Variants in TBC1D2 observed in about 807,000 individuals in gnomAD.
TBC1D2 encodes TBC1 domain family member 2.
A neutral mutation model predicts 91.1 loss-of-function variants in TBC1D2; 58 were observed. That is an observed-to-expected ratio of 0.64 (90% CI 0.52 to 0.79). The LOEUF is 0.79. Among genes scored for constraint, TBC1D2 ranks in the 30% least tolerant of loss-of-function variants. The pLI is 0.00. For synonymous variants in TBC1D2, 482 were observed against 511.5 expected, an observed-to-expected ratio of 0.94 and a Z score of 0.78; for missense variants, 1,080 against 1,208.3, an observed-to-expected ratio of 0.89 and a Z score of 1.57.
intron 3 of TBC1D2, among the ~76,000 whole-genome samples, chr9:98,238,332 T>C (rs971592675): frequency 7.3e-6 from 1 of 137,338 alleles, no homozygotes; most frequent in Non-Finnish European, 1.5e-5. Flanking sequence ...CATTCCTAAA[T>C]ATTTAATTCT....
intron 1 of TBC1D2, 27 bp from the exon 2 acceptor site, chr9:98,251,953 A>G (rs1162556598): frequency 6.3e-7 from 1 of 1,587,310 alleles, no homozygotes; most frequent in Middle Eastern, 1.7e-4. Context: ...TTAGTTGGCA[A>G]GGCCCTGTGC....
intron 3 of TBC1D2, among the ~76,000 whole-genome samples, chr9:98,240,294 G>A (rs1266602349): frequency 6.6e-6 from 1 of 152,068 alleles, no homozygotes; most frequent in East Asian, 1.9e-4. Context: ...TGAATTAAGA[G>A]CAGAGAAGAA....
chr9:98,250,295 G>A (rs1204525016), intron 2 of TBC1D2, among the ~76,000 whole-genome samples: 2 of 150,508 alleles, frequency 1.3e-5, no homozygotes, highest in Non-Finnish European at 2.9e-5. Context: ...GAGTGCAGGA[G>A]TGAGGTGGTG....
chr9:98,220,871 C>A lies in TBC1D2; in HGVS notation c.1336G>T (p.Asp446Tyr). 1 of 1,614,164 alleles carries A rather than the reference C, an allele frequency of 6.2e-7. No individual in the cohort carries two copies. Among genetic ancestry groups the A allele is most frequent in the Non-Finnish European group, 8.5e-7 (1 of 1,180,016 alleles). The change falls in exon 6 of 13, where the codon GAC becomes TAC. Residue 446 changes from aspartate (D) to tyrosine (Y), a missense_variant. Coordinates refer to ENST00000465784, the MANE Select transcript of TBC1D2 (RefSeq NM_001267571.2). Reference protein sequence around the residue: ...SPLRPDAANRDFLSQQGKIEH... With the variant: ...SPLRPDAANRYFLSQQGKIEH... ...ATCTTCCCCTGCTGGCTCAGGAAGT[C>A]CCTGTTGGCAGCGTCGGGGCGCAAA...
intron 1 of TBC1D2, 139 bp downstream of exon 1, chr9:98,255,034 T>C: frequency 7.0e-7 from 1 of 1,420,776 alleles, no homozygotes; most frequent in Non-Finnish European, 9.4e-7. Flanking sequence ...GAATGCACTT[T>C]GCAAAGCACA....
At chr9:98,200,399 T>A in intron 11 of TBC1D2, 25 bp from the exon 12 acceptor site, 1 of 1,271,822 alleles carries the variant, frequency 7.9e-7, no homozygotes, top group Non-Finnish European at 1.0e-6. Context: ...GGGGCTCAGG[T>A]AGGGCATGGG....
rs777691393 is a variant in TBC1D2 at position 98,203,372 on chromosome 9, C to T, written c.2187G>A (p.Glu729=). The T allele has an allele frequency of 8.1e-6, 13 of 1,614,214 alleles. No individual in the cohort carries two copies. In the South Asian group the frequency reaches 1.4e-4, roughly 18 times the overall value. Residue 729 remains glutamate, a synonymous_variant, in exon 10 of 13, where the codon GAG becomes GAA. Transcript: ENST00000465784. ...CCACCAGGCACCAGAAGGCGCTCTCCTCCTCCTCTAGGACCAGCAGGGCAA... is the reference window on the plus strand; with the variant it reads ...CCACCAGGCACCAGAAGGCGCTCTCTTCCTCCTCTAGGACCAGCAGGGCAA... ...AAIALLVLEE[E]ESAFWCLVAI...
intron 6 of TBC1D2, among the ~76,000 whole-genome samples, chr9:98,215,797 TGCCTGGCCAG>T (rs1006170008): frequency 2.0e-5 from 3 of 152,202 alleles, no homozygotes; most frequent in African/African-American, 7.2e-5. Flanking sequence ...TGAGCCACTG[TGCCTGGCCAG>T]GACTGTCTCA....
intron 9 of TBC1D2, among the ~76,000 whole-genome samples, chr9:98,205,229 A>G (rs1485309506): frequency 2.6e-5 from 4 of 152,208 alleles, no homozygotes; most frequent in African/African-American, 9.6e-5. Flanking sequence ...GAATGGCCTC[A>G]GTCTAGGGAG....
chr9:98,251,114 A>G (rs1829865012), intron 2 of TBC1D2, among the ~76,000 whole-genome samples: 1 of 152,042 alleles, frequency 6.6e-6, no homozygotes, highest in Non-Finnish European at 1.5e-5. Context: ...GTGAAACCCC[A>G]TCTCTACTAA....
At chr9:98,230,760 C>T (rs1236024327) in intron 4 of TBC1D2, among the ~76,000 whole-genome samples, 2 of 152,070 alleles carry the variant, frequency 1.3e-5, no homozygotes, top group African/African-American at 2.4e-5. Flanking sequence ...GGTGAAACCC[C>T]GTTTCTACTA....
At position 98,199,387 on chromosome 9, in the gene TBC1D2, T is replaced by C. The variant is rs371139623; in HGVS notation, c.2781A>G (p.Glu927=). 3.0e-5 allele frequency: 49 copies of C among 1,612,874 alleles called. No individual in the cohort carries two copies. In the African/African-American group the frequency reaches 5.3e-4, roughly 18 times the overall value. ...GGGAGGGGAGGTGGCCAAGTCAGGC[T>C]TCCCCCTCCACCTCGTCCTCGCTGG... ...GCASEDEVEG[E]A The change falls in exon 13 of 13, where the codon GAA becomes GAG. Residue 927 remains glutamate, a synonymous_variant. Coordinates refer to ENST00000465784, the MANE Select transcript of TBC1D2 (RefSeq NM_001267571.2).
chr9:98,208,728 C>T lies in TBC1D2; in HGVS notation c.2090G>A (p.Arg697Gln), dbSNP rs144101514. 393 of 1,557,570 alleles carry T rather than the reference C, an allele frequency of 2.5e-4. No homozygotes were observed. The highest frequency in any genetic ancestry group is 1.1e-3 in the East Asian group (49 of 44,256). Residue 697 changes from arginine (R) to glutamine (Q), a missense_variant, in exon 9 of 13, where the codon CGG (arginine) becomes CAG (glutamine). Transcript: ENST00000465784. ...PTSSFPDKLR[R>Q]VLLAFSWQNP... The stretch of plus-strand genomic sequence containing the variant: ...CTGCCAGGAGAAGGCCAGCAGCACC[C>T]GGCGGAGCTTGTCGGGGAAGCTGGA...
chr9:98,236,717 G>A (rs972175664), intron 3 of TBC1D2, among the ~76,000 whole-genome samples: 2 of 152,168 alleles, frequency 1.3e-5, no homozygotes, highest in African/African-American at 4.8e-5. Context: ...AAATGTATGT[G>A]AAATGTATAA....
rs1828744189 is a variant in TBC1D2 at position 98,209,122 on chromosome 9, G to A, written c.1696C>T (p.Leu566=). The change falls in exon 9 of 13, where the codon CTG becomes TTG. Residue 566 remains leucine (L), a synonymous_variant. Coordinates refer to ENST00000465784, the MANE Select transcript of TBC1D2 (RefSeq NM_001267571.2). ...TCCACCTCATAGTCGGGCACCGTCA[G>A]GAAGCCGTACTCATCATACTTACTG... is the stretch of plus-strand genomic sequence containing the variant. ...PISKYDEYGF[L]TVPDYEVEDL... 2 of 1,613,790 alleles carry A rather than the reference G, an allele frequency of 1.2e-6. No individual in the cohort carries two copies. The highest frequency in any genetic ancestry group is 3.3e-5 in the Admixed American group (2 of 59,984).
At chr9:98,235,514 A>AAT (rs1829482129) in intron 3 of TBC1D2, 1 of 455,220 alleles carries the variant, frequency 2.2e-6, no homozygotes, top group Non-Finnish European at 4.3e-6. Context: ...AGAAAAGGAT[A>AAT]ATGTAGGTAT....
intron 10 of TBC1D2, 52 bp from the exon 11 acceptor site, chr9:98,201,716 T>C: frequency 6.5e-7 from 1 of 1,534,200 alleles, no homozygotes; most frequent in Admixed American, 1.8e-5. Context: ...TAGGGCTGCC[T>C]CCCTCCCTGC....
chr9:98,199,297 G>T lies in TBC1D2; in HGVS notation c.*84C>A. Reference sequence around the variant, plus strand: ...GGTCACATGGTGATGGGACACCCAGGGCTGGGCCACTGGTCCGTGCCTGAC... The same window carrying T: ...GGTCACATGGTGATGGGACACCCAGTGCTGGGCCACTGGTCCGTGCCTGAC... On this transcript the variant is annotated 3_prime_UTR_variant, in exon 13 of 13. Coordinates refer to ENST00000465784, the MANE Select transcript of TBC1D2 (RefSeq NM_001267571.2). 6.7e-7 allele frequency: 1 copy of T among 1,482,726 alleles called. No homozygotes were observed. Among genetic ancestry groups the T allele is most frequent in the Non-Finnish European group, 9.3e-7 (1 of 1,072,662 alleles). 91.8% of individuals were successfully genotyped at this position (1,482,726 alleles called of 1,614,324 possible).
Position 98,203,315 on chromosome 9 carries a change from G to C in TBC1D2, c.2244C>G (p.Tyr748Ter), listed in dbSNP as rs1047493345. The change falls in exon 10 of 13, where the codon TAC (tyrosine) becomes TAG (stop). Residue 748 changes from tyrosine to a stop codon, truncating the protein, a stop_gained. Transcript: ENST00000465784. LOFTEE classifies it high-confidence loss of function. Reference sequence around the variant, plus strand: ...GGGATGCCGTCAGCGTGTTGCAGTAGTAATCAGCGGGCATGATGGTCTCCA... The same window carrying C: ...GGGATGCCGTCAGCGTGTTGCAGTACTAATCAGCGGGCATGATGGTCTCCA... ...AIVETIMPAD[Y>*]YCNTLTASQV... 2 of 1,614,128 alleles carry C rather than the reference G, an allele frequency of 1.2e-6. No homozygotes were observed. Among genetic ancestry groups the C allele is most frequent in the African/African-American group, 2.7e-5 (2 of 74,944 alleles).
Sources: allele counts gnomAD v4.1 joint callset (sites outside exome capture counted in the v4.1 genomes callset), GRCh38; gene constraint gnomAD v4.1.1; transcripts MANE v1.5; gene names NCBI Gene and HGNC (gene_info 2026-07-23, HGNC 2026-07-21).